The following PTCHD4 variants were observed in gnomAD, a reference collection of about 807,000 sequenced individuals.
The protein encoded by PTCHD4 is patched domain containing 4, also known as patched domain-containing protein 4.
Under a neutral mutation model 58.1 loss-of-function variants are expected in PTCHD4, and 33 were observed. The ratio of observed to expected loss-of-function variants is 0.57; its 90% confidence interval spans 0.43 to 0.76. PTCHD4 has a LOEUF of 0.76. Ranked by LOEUF, PTCHD4 falls within the 30% of genes least tolerant of loss-of-function variation. The pLI is 0.00. For missense variants in PTCHD4, 1,058 were observed against 1,027.1 expected (o/e 1.03, Z -0.41); for synonymous variants, 478 against 409.6 (o/e 1.17, Z -2.02).
intron 4 of PTCHD4, among the ~76,000 whole-genome samples, chr6:47,950,652 A>C (rs1766608225): frequency 6.6e-6 from 1 of 152,180 alleles, no homozygotes; most frequent in Admixed American, 6.5e-5. Flanking sequence ...TCTAAATGGA[A>C]TACCCATGAA....
intron 1 of PTCHD4, among the ~76,000 whole-genome samples, chr6:48,088,946 G>A (rs188685607): frequency 6.6e-6 from 1 of 152,224 alleles, no homozygotes; most frequent in Admixed American, 6.5e-5. Flanking sequence ...TCAGGAGACT[G>A]GGGCAAGAGA....
intron 4 of PTCHD4, among the ~76,000 whole-genome samples, chr6:47,993,274 T>C (rs1768348956): frequency 6.6e-6 from 1 of 152,162 alleles, no homozygotes; most frequent in Non-Finnish European, 1.5e-5. Context: ...AATGCCAGCC[T>C]CCGATTTTAC....
chr6:48,004,455 C>T (rs1421204349), intron 4 of PTCHD4, among the ~76,000 whole-genome samples: 3 of 152,082 alleles, frequency 2.0e-5, no homozygotes, highest in Non-Finnish European at 2.9e-5. Context: ...GTAATATTAG[C>T]CCATATTTCT....
At chr6:48,080,858 A>G (rs542085439) in intron 1 of PTCHD4, among the ~76,000 whole-genome samples, 2 of 152,256 alleles carry the variant, frequency 1.3e-5, no homozygotes, top group South Asian at 2.1e-4. Flanking sequence ...CTGCCCTGCC[A>G]CCAGCCTCAG....
intron 1 of PTCHD4, among the ~76,000 whole-genome samples, chr6:48,087,872 T>A (rs1765291833): frequency 6.6e-6 from 1 of 152,226 alleles, no homozygotes; most frequent in Non-Finnish European, 1.5e-5. Flanking sequence ...TTAGTCTTAA[T>A]GGAACAATTA....
At chr6:48,024,367 G>C (rs1763170003) in intron 3 of PTCHD4, among the ~76,000 whole-genome samples, 1 of 152,046 alleles carries the variant, frequency 6.6e-6, no homozygotes, top group African/African-American at 2.4e-5. Flanking sequence ...GTCTGTTCCA[G>C]TCCAGGAGGT....
intron 4 of PTCHD4, among the ~76,000 whole-genome samples, chr6:47,936,378 A>G (rs190856834): frequency 3.9e-4 from 60 of 152,358 alleles, no homozygotes; most frequent in African/African-American, 1.4e-3. Flanking sequence ...GTTTCAGTTT[A>G]GATGGTAAAT....
At chr6:47,951,612 A>G (rs1766656163) in intron 4 of PTCHD4, among the ~76,000 whole-genome samples, 1 of 152,154 alleles carries the variant, frequency 6.6e-6, no homozygotes. Flanking sequence ...CCATGCCCCA[A>G]ACAAGGAAGG....
chr6:47,926,629 A>T (rs1027963291), intron 4 of PTCHD4, among the ~76,000 whole-genome samples: 43 of 152,198 alleles, frequency 2.8e-4, no homozygotes, highest in African/African-American at 1.0e-3. Context: ...TAATATTTTG[A>T]TTCTATTATT....
At chr6:47,913,750 A>G (rs565580012) in intron 4 of PTCHD4, among the ~76,000 whole-genome samples, 59 of 152,290 alleles carry the variant, frequency 3.9e-4, no homozygotes, top group Admixed American at 1.3e-3. Flanking sequence ...GAAAAAGTCT[A>G]TGAGCAGAGA....
chr6:48,026,730 A>C (rs2114122885), intron 3 of PTCHD4, among the ~76,000 whole-genome samples: 1 of 152,232 alleles, frequency 6.6e-6, no homozygotes, highest in Non-Finnish European at 1.5e-5. Flanking sequence ...AATAGATTGG[A>C]TCTTTCATCC....
intron 4 of PTCHD4, among the ~76,000 whole-genome samples, chr6:47,951,695 T>G (rs1766659728): frequency 6.6e-6 from 1 of 152,014 alleles, no homozygotes; most frequent in South Asian, 2.1e-4. Context: ...TTTTTACATC[T>G]CAGAAGAATA....
chr6:48,014,802 A>G (rs778090302), intron 3 of PTCHD4, among the ~76,000 whole-genome samples: 10 of 152,110 alleles, frequency 6.6e-5, no homozygotes, highest in South Asian at 2.1e-4. Flanking sequence ...CAAACCTAGA[A>G]GCTCAGAGAA....
chr6:47,986,013 A>G (rs1379076512), intron 4 of PTCHD4, among the ~76,000 whole-genome samples: 1 of 152,008 alleles, frequency 6.6e-6, no homozygotes, highest in African/African-American at 2.4e-5. Flanking sequence ...CAATATCATT[A>G]CGTATGAAAT....
rs1159381964 is a variant in PTCHD4 at position 47,863,701 on chromosome 6, G to A, written c.*14602C>T. 6.6e-6 allele frequency among the ~76,000 whole-genome samples: 1 copy of A among 151,906 alleles called. No individual in the cohort carries two copies. The highest frequency in any genetic ancestry group is 2.4e-5 in the African/African-American group (1 of 41,390). On this transcript the variant is annotated 3_prime_UTR_variant, in exon 5 of 5. Transcript: ENST00000339488. ...AGAGTGCTAGTTCTAGTATACAGTG[G>A]TTCTAGTTAAACCAGTCTATAACAG... is the stretch of plus-strand genomic sequence containing the variant.
In PTCHD4 at chr6:48,068,380, G is replaced by A. The variant is rs1466000578; in HGVS notation, c.267C>T (p.Phe89=). Residue 89 remains phenylalanine, a synonymous_variant, in exon 3 of 5, where the codon TTC becomes TTT. Transcript: ENST00000339488. The surrounding 1 kb of genome is among the most constrained non-coding windows in gnomAD (Gnocchi z 4.2). ...KIERSLASSL[F]PLDQSKSQLY... Reference sequence around the variant, plus strand: ...GCTGGCTTTTGGACTGGTCCAGGGGGAAAAGGCTGCTGGCCAGGCTGCGCT... The same window carrying A: ...GCTGGCTTTTGGACTGGTCCAGGGGAAAAAGGCTGCTGGCCAGGCTGCGCT... The A allele has an allele frequency of 1.2e-6, 2 of 1,613,988 alleles. No homozygotes were observed. The highest frequency in any genetic ancestry group is 8.5e-7 in the Non-Finnish European group (1 of 1,179,884).
At chr6:48,077,293 C>T (rs186252446) in intron 1 of PTCHD4, among the ~76,000 whole-genome samples, 18 of 152,266 alleles carry the variant, frequency 1.2e-4, no homozygotes, top group East Asian at 1.9e-4. Context: ...TAAGAGAGTC[C>T]GCCTGTCCTT....
Position 47,878,742 on chromosome 6 carries a change from C to G in PTCHD4, c.2093G>C (p.Gly698Ala). 6.2e-7 allele frequency: 1 copy of G among 1,613,550 alleles called. No homozygotes were observed. The highest frequency in any genetic ancestry group is 1.1e-5 in the South Asian group (1 of 91,060). The change falls in exon 5 of 5, where the codon GGC becomes GCC. Residue 698 changes from glycine (G) to alanine (A), a missense_variant. By Grantham distance (60) the Gly-to-Ala change is moderately conservative (BLOSUM62 0). Transcript: ENST00000339488. Reference sequence around the variant, plus strand: ...GTCGACGTTCCATAATGTCATTAAGCCCAGAACGCCCAGCTCAATTGAGGT... The same window carrying G: ...GTCGACGTTCCATAATGTCATTAAGGCCAGAACGCCCAGCTCAATTGAGGT... ...SVTSIELGVL[G>A]LMTLWNVDMD...
chr6:47,899,539 A>C (rs899256032), intron 4 of PTCHD4: 4 of 969,220 alleles, frequency 4.1e-6, no homozygotes, highest in African/African-American at 3.5e-5. Flanking sequence ...TGCTGAAATA[A>C]CTTTGCATGT....
Sources: allele counts gnomAD v4.1 joint callset (sites outside exome capture counted in the v4.1 genomes callset), GRCh38; gene constraint gnomAD v4.1.1; non-coding constraint Gnocchi (gnomAD v3.1); transcripts MANE v1.5; gene names NCBI Gene and HGNC (gene_info 2026-07-23, HGNC 2026-07-21).